CHD4: variants seen among roughly 807,000 people sequenced by gnomAD.
The protein encoded by CHD4 is ATP-dependent chromatin remodeler CHD4.
In CHD4, 35 loss-of-function variants were observed where a neutral mutation model predicts 235.5. That is an observed-to-expected ratio of 0.15 (90% CI 0.11 to 0.20). The LOEUF is 0.20. Ranked by LOEUF, CHD4 falls within the 10% of genes least tolerant of loss-of-function variation. The pLI, the probability that CHD4 is intolerant of heterozygous loss-of-function variation, is 1.00. For synonymous variants in CHD4, 900 were observed against 850.2 expected (o/e 1.06, Z -1.02); for missense variants, 1,329 against 2,432.3 (o/e 0.55, Z 9.54).
intron 12 of CHD4, among the ~76,000 whole-genome samples, chr12:6,596,986 T>C (rs1406338028): frequency 7.1e-6 from 1 of 141,348 alleles, no homozygotes; most frequent in African/African-American, 2.7e-5. Flanking sequence ...AATAAATAAA[T>C]AGGCCGAGTG....
Position 6,600,534 on chromosome 12 carries a change from C to T in CHD4, c.1063G>A (p.Gly355Ser), listed in dbSNP as rs1182958622. The T allele has an allele frequency of 3.7e-6, 6 of 1,613,804 alleles. 1 individual carries two copies. The highest frequency in any genetic ancestry group is 3.3e-5 in the South Asian group (3 of 91,046). The change falls in exon 8 of 40, where the codon GGC (glycine) becomes AGC (serine). Residue 355 changes from glycine (G) to serine (S), a missense_variant and splice_region_variant. By Grantham distance (56) the Gly-to-Ser change is moderately conservative. Coordinates refer to ENST00000544040, the MANE Select transcript of CHD4 (RefSeq NM_001273.5). ...KLRTTKKKKK[G>S]EEEVTAVDGY... ...ACAAATATACAGAAGAGAAACACAC[C>T]TTTCTTTTTCTTTTTAGTGGTTCGG... is the stretch of plus-strand genomic sequence containing the variant.
intron 12 of CHD4, 139 bp from the exon 13 acceptor site, chr12:6,596,276 T>A: frequency 9.6e-7 from 1 of 1,043,378 alleles, no homozygotes; most frequent in Non-Finnish European, 1.4e-6. Context: ...GCCTCTACTG[T>A]ACCAGTCTCT....
intron 2 of CHD4, among the ~76,000 whole-genome samples, chr12:6,605,258 G>A (rs1948671728): frequency 6.6e-6 from 1 of 152,040 alleles, no homozygotes; most frequent in African/African-American, 2.4e-5. Flanking sequence ...AAAACTAGAA[G>A]CAGAAGGAAT....
intron 4 of CHD4, 85 bp downstream of exon 4, chr12:6,601,875 A>G: frequency 1.3e-6 from 2 of 1,559,922 alleles, no homozygotes; most frequent in Admixed American, 1.7e-5. Context: ...AAAGAAGAGA[A>G]AGTGTTCTAA....
intron 22 of CHD4, among the ~76,000 whole-genome samples, chr12:6,589,494 C>T (rs1948355057): frequency 6.6e-6 from 1 of 152,016 alleles, no homozygotes; most frequent in Non-Finnish European, 1.5e-5. Context: ...ATCGACTGGG[C>T]GTGGTGGCTC....
intron 15 of CHD4, 31 bp downstream of exon 15, chr12:6,594,428 A>T (rs1178390297): frequency 1.3e-6 from 2 of 1,571,492 alleles, no homozygotes; most frequent in Non-Finnish European, 1.7e-6. Flanking sequence ...AAACACCCAC[A>T]CAAAAAACTA....
At chr12:6,578,357 C>T (rs945359119) in intron 35 of CHD4, 52 bp downstream of exon 35, 68 of 1,589,952 alleles carry the variant, frequency 4.3e-5, no homozygotes, top group Non-Finnish European at 6.8e-6. Flanking sequence ...TGACAAGAAC[C>T]CCAATTTCAC....
At chr12:6,600,858 C>G (rs992528518) in intron 7 of CHD4, 68 bp downstream of exon 7, 6 of 1,527,002 alleles carry the variant, frequency 3.9e-6, no homozygotes. Context: ...AGGACAGGTT[C>G]TGATAGAAGG....
chr12:6,606,484 G>C, intron 1 of CHD4, 33 bp from the exon 2 acceptor site: 2 of 583,732 alleles, frequency 3.4e-6, no homozygotes, highest in South Asian at 2.1e-5. Flanking sequence ...ACACAGAACA[G>C]TCAGTGACGC....
Position 6,600,031 on chromosome 12 carries a change from G to A in CHD4, c.1243-19C>T. ...CCTTCTCCTGCAGTAAAGGACCACAGATTCAGATTATTACCCCCACCCGCC... is the reference window on the plus strand; with the variant it reads ...CCTTCTCCTGCAGTAAAGGACCACAAATTCAGATTATTACCCCCACCCGCC... On this transcript the variant is annotated intron_variant, in intron 9 of 39. Coordinates refer to ENST00000544040, the MANE Select transcript of CHD4 (RefSeq NM_001273.5). 1.2e-6 allele frequency: 2 copies of A among 1,612,980 alleles called. No individual in the cohort carries two copies. The highest frequency in any genetic ancestry group is 1.1e-5 in the South Asian group (1 of 91,028).
chr12:6,606,909 G>C (rs533210327), intron 1 of CHD4: 1 of 151,854 alleles, frequency 6.6e-6, no homozygotes, highest in East Asian at 1.9e-4. Flanking sequence ...TTCTCCTCAA[G>C]AGCTGCGGGG....
At position 6,587,848 on chromosome 12, in the gene CHD4, C is replaced by T. The variant is rs1052388761; in HGVS notation, c.3567G>A (p.Lys1189=). Reference sequence around the variant, plus strand: ...CTAGATGCGTCAGCATCATTTTCTTCTTTGCCACCTGCGTGATGCGCTCCT... The same window carrying T: ...CTAGATGCGTCAGCATCATTTTCTTTTTTGCCACCTGCGTGATGCGCTCCT... The part of the protein sequence containing the change: ...SVEERITQVA[K]KKMMLTHLVV... Residue 1189 remains lysine, a synonymous_variant, in exon 24 of 40, where the codon AAG becomes AAA. Coordinates refer to ENST00000544040, the MANE Select transcript of CHD4 (RefSeq NM_001273.5). 9 of 1,614,234 alleles carry T rather than the reference C, an allele frequency of 5.6e-6. No individual in the cohort carries two copies. Among genetic ancestry groups the T allele is most frequent in the East Asian group, 4.5e-5 (2 of 44,884 alleles).
chr12:6,587,635 C>T, intron 24 of CHD4, 76 bp from the exon 25 acceptor site: 3 of 1,605,486 alleles, frequency 1.9e-6, no homozygotes, highest in Non-Finnish European at 2.6e-6. Context: ...CCCACAAGAC[C>T]CTTGGTATCA....
intron 8 of CHD4, 37 bp downstream of exon 8, chr12:6,600,497 C>G: frequency 6.2e-7 from 1 of 1,610,654 alleles, no homozygotes; most frequent in Non-Finnish European, 8.5e-7. Context: ...ATCACTCCCA[C>G]CTCATCCCAT....
At position 6,577,774 on chromosome 12, in the gene CHD4, C is replaced by T; in HGVS notation, c.5361+11G>A. Reference sequence around the variant, plus strand: ...GTCACTTAAGCAATATATTCCTCCCCAACCGCTCACCTTAAACCTTCGAGC... The same window carrying T: ...GTCACTTAAGCAATATATTCCTCCCTAACCGCTCACCTTAAACCTTCGAGC... On this transcript the variant is annotated intron_variant, in intron 37 of 39. Coordinates refer to ENST00000544040, the MANE Select transcript of CHD4 (RefSeq NM_001273.5). 1 of 1,614,026 alleles carries T rather than the reference C, an allele frequency of 6.2e-7. No homozygotes were observed. Among genetic ancestry groups the T allele is most frequent in the Non-Finnish European group, 8.5e-7 (1 of 1,179,992 alleles).
Position 6,593,515 on chromosome 12 carries a change from G to C in CHD4, c.2415C>G (p.Thr805=), listed in dbSNP as rs776200810. The change falls in exon 16 of 40, where the codon ACC becomes ACG. Residue 805 remains threonine (T), a synonymous_variant. Transcript: ENST00000544040. The surrounding 1 kb of genome is among the most constrained non-coding windows in gnomAD (Gnocchi z 4.9). ...CACGGCTGTCCTTGTCACCCACATA[G>C]GTTACGACATACATGTCTGGAGCCC... ...EMWAPDMYVV[T]YVGDKDSRAI... 8 of 1,614,014 alleles carry C rather than the reference G, an allele frequency of 5.0e-6. No individual in the cohort carries two copies. The highest frequency in any genetic ancestry group is 2.2e-5 in the South Asian group (2 of 91,084).
intron 2 of CHD4, among the ~76,000 whole-genome samples, chr12:6,603,540 G>A (rs1014050108): frequency 1.3e-5 from 2 of 151,528 alleles, no homozygotes; most frequent in East Asian, 1.9e-4. Context: ...GCAGGGGAGG[G>A]GGTGGGTTTG....
Position 6,592,063 on chromosome 12 carries a change from T to C in CHD4, c.2949-6A>G, listed in dbSNP as rs186725776. 1.1e-5 allele frequency: 17 copies of C among 1,614,106 alleles called. No individual in the cohort carries two copies. The East Asian group carries it at 2.2e-4, about 21-fold the overall frequency. Reference sequence around the variant, plus strand: ...GGATGTACTTGTAGTATTTCCTACATGGGCAAGGTAGAAAGACAGGTTAGA... The same window carrying C: ...GGATGTACTTGTAGTATTTCCTACACGGGCAAGGTAGAAAGACAGGTTAGA... On this transcript the variant is annotated splice_polypyrimidine_tract_variant and splice_region_variant and intron_variant, in intron 19 of 39. Transcript: ENST00000544040.
In CHD4 at chr12:6,602,245, G is replaced by A. The variant is rs1337091518; in HGVS notation, c.223-70C>T. The A allele has an allele frequency of 1.1e-5, 17 of 1,597,888 alleles. No individual in the cohort carries two copies. In the Admixed American group the frequency reaches 2.9e-4, roughly 27 times the overall value. On this transcript the variant is annotated intron_variant, in intron 3 of 39. Transcript: ENST00000544040. The stretch of plus-strand genomic sequence containing the variant: ...CTACACACATGCTGACCTCAGGACA[G>A]CCCTGAGGCTCATCCCCAGAACATG...
Sources: allele counts gnomAD v4.1 joint callset (sites outside exome capture counted in the v4.1 genomes callset), GRCh38; gene constraint gnomAD v4.1.1; non-coding constraint Gnocchi (gnomAD v3.1); transcripts MANE v1.5; gene names NCBI Gene and HGNC (gene_info 2026-07-23, HGNC 2026-07-21).